The following AMBP variants were observed in gnomAD, a reference collection of about 807,000 sequenced individuals.
The protein encoded by AMBP is alpha-1-microglobulin/bikunin precursor, also known as protein AMBP.
Under a neutral mutation model 46.3 loss-of-function variants are expected in AMBP, and 37 were observed. The observed-to-expected ratio is 0.80, with a 90% CI of 0.61 to 1.05. AMBP has a LOEUF of 1.05. Among genes scored for constraint, AMBP ranks in the 50% least tolerant of loss-of-function variants. The probability of loss-of-function intolerance (pLI) is 0.00; values close to 1 mark genes in which losing one functional copy is unlikely to be tolerated. For missense variants in AMBP, 475 were observed against 461.2 expected, an observed-to-expected ratio of 1.03 and a Z score of -0.27; for synonymous variants, 174 against 175.9, an observed-to-expected ratio of 0.99 and a Z score of 0.09.
intron 6 of AMBP, among the ~76,000 whole-genome samples, chr9:114,065,721 G>T (rs923812019): frequency 3.3e-5 from 5 of 151,930 alleles, no homozygotes; most frequent in African/African-American, 9.7e-5. Context: ...AAGTAGGATG[G>T]GGCTAGGGGG....
At position 114,060,998 on chromosome 9, in the gene AMBP, C is replaced by G; in HGVS notation, c.954G>C (p.Gly318=). 6.2e-7 allele frequency: 1 copy of G among 1,614,216 alleles called. No individual in the cohort carries two copies. The highest frequency in any genetic ancestry group is 2.2e-5 in the East Asian group (1 of 44,874). Residue 318 remains glycine, a synonymous_variant, in exon 9 of 10, where the codon GGG becomes GGC. Transcript: ENST00000265132. ...ACTTGTTCCCGTTGCCCTGGCAGCC[C>G]CCGTAGGGGAAGAGGACGCACTTCC... ...VKGKCVLFPY[G]GCQGNGNKFY... is the part of the protein sequence containing the mutation.
Position 114,069,761 on chromosome 9 carries a change from G to A in AMBP, c.557-16C>T. The stretch of plus-strand genomic sequence containing the variant: ...ACACATTCACCTAGGTCACAGAGCA[G>A]GAGAGAGGAGTGAATAACAGGACCA... On this transcript the variant is annotated splice_polypyrimidine_tract_variant and intron_variant, in intron 5 of 9. Coordinates refer to ENST00000265132, the MANE Select transcript of AMBP (RefSeq NM_001633.4). 1.2e-6 allele frequency: 2 copies of A among 1,614,092 alleles called. No homozygotes were observed. Among genetic ancestry groups the A allele is most frequent in the Middle Eastern group, 1.7e-4 (1 of 6,060 alleles).
intron 2 of AMBP, among the ~76,000 whole-genome samples, chr9:114,075,993 C>G (rs894188563): frequency 3.3e-5 from 5 of 152,052 alleles, no homozygotes; most frequent in Admixed American, 6.6e-5. Flanking sequence ...GTTCTGGGTG[C>G]TGGGAGGGTC....
chr9:114,072,777 A>G (rs1846758844), intron 5 of AMBP, 148 bp downstream of exon 5: 1 of 653,538 alleles, frequency 1.5e-6, no homozygotes, highest in Non-Finnish European at 2.7e-6. Flanking sequence ...GAGCAAATCC[A>G]CTGGCTTCCT....
chr9:114,068,277 G>T (rs1846711973), intron 6 of AMBP, among the ~76,000 whole-genome samples: 1 of 151,928 alleles, frequency 6.6e-6, no homozygotes, highest in African/African-American at 2.4e-5. Flanking sequence ...TGAAGATCAA[G>T]AAGTCCACTT....
chr9:114,063,113 G>T (rs1846658676), intron 6 of AMBP, among the ~76,000 whole-genome samples: 1 of 152,094 alleles, frequency 6.6e-6, no homozygotes, highest in African/African-American at 2.4e-5. Context: ...TGAAGGCATT[G>T]TTGCACAACA....
At chr9:114,075,144 T>C (rs1846792467) in intron 2 of AMBP, 108 bp from the exon 3 acceptor site, 1 of 831,480 alleles carries the variant, frequency 1.2e-6, no homozygotes, top group Non-Finnish European at 1.9e-6. Flanking sequence ...TGGGGTTTTT[T>C]TGTTTGTGTG....
At chr9:114,077,614 A>T (rs1002755189) in intron 1 of AMBP, 1 of 162,972 alleles carries the variant, frequency 6.1e-6, no homozygotes, top group Non-Finnish European at 1.4e-5. Context: ...CACATGCCCA[A>T]CCCAAAAGCT....
chr9:114,076,053 G>A (rs1846803783), intron 2 of AMBP, among the ~76,000 whole-genome samples: 1 of 152,098 alleles, frequency 6.6e-6, no homozygotes, highest in African/African-American at 2.4e-5. Flanking sequence ...GCATTGGGGA[G>A]TCATGGAAGG....
Position 114,078,164 on chromosome 9 carries a change from C to T in AMBP, c.46G>A (p.Ala16Thr). The part of the protein sequence containing the change: ...ALLLLLSACL[A>T]VSAGPVPTPP... ...GTTGGCACAGGGCCAGCGCTCACCGCCAGGCAGGCGCTCAGCAGCAAGAGC... is the reference window on the plus strand; with the variant it reads ...GTTGGCACAGGGCCAGCGCTCACCGTCAGGCAGGCGCTCAGCAGCAAGAGC... The change falls in exon 1 of 10, where the codon GCG becomes ACG. Residue 16 changes from alanine to threonine, a missense_variant. Around this residue, in one of 3 missense-constraint regions of AMBP, gnomAD observed 179 missense variants for 167.4 expected, o/e 1.07. Coordinates refer to ENST00000265132, the MANE Select transcript of AMBP (RefSeq NM_001633.4). 1 of 1,613,522 alleles carries T rather than the reference C, an allele frequency of 6.2e-7. No individual in the cohort carries two copies. Among genetic ancestry groups the T allele is most frequent in the Non-Finnish European group, 8.5e-7 (1 of 1,180,026 alleles).
At chr9:114,066,462 T>A (rs1846695733) in intron 6 of AMBP, among the ~76,000 whole-genome samples, 1 of 151,282 alleles carries the variant, frequency 6.6e-6, no homozygotes, top group African/African-American at 2.4e-5. Context: ...ACTCCTGGCC[T>A]CAAGCAGTCT....
chr9:114,064,665 A>C (rs1380747126), intron 6 of AMBP, among the ~76,000 whole-genome samples: 1 of 151,944 alleles, frequency 6.6e-6, no homozygotes, highest in Non-Finnish European at 1.5e-5. Context: ...CATTTAGCAA[A>C]AAAAAAAATG....
rs566720950 is a variant in AMBP at position 114,074,351 on chromosome 9, T to G, written c.338-199A>C. Among the ~76,000 whole-genome samples the G allele has an allele frequency of 1.4e-4, 21 of 152,310 alleles. 1 individual carries two copies. In the South Asian group the frequency reaches 3.9e-3, roughly 29 times the overall value. On this transcript the variant is annotated intron_variant, in intron 3 of 9. Coordinates refer to ENST00000265132, the MANE Select transcript of AMBP (RefSeq NM_001633.4). ...ATCTATCTCCTCCATGTACTCACAT[T>G]AATTCATCCACCATCACTCAATCCA...
Position 114,061,052 on chromosome 9 carries a change from G to C in AMBP, c.900C>G (p.Ile300Met), listed in dbSNP as rs1564370289. 21 of 1,614,256 alleles carry C rather than the reference G, an allele frequency of 1.3e-5. No individual in the cohort carries two copies. Among genetic ancestry groups the C allele is most frequent in the South Asian group, 4.4e-5 (4 of 91,088 alleles). ...TGACAGCATCAAATGCCCAGAGCTG[G>C]ATGAAGGCTCGGCAGGGGCCCCGGA... ...PIVRGPCRAF[I>M]QLWAFDAVKG... Residue 300 changes from isoleucine to methionine, a missense_variant, in exon 9 of 10, where the codon ATC (isoleucine) becomes ATG (methionine). Ile to Met is a conservative substitution (Grantham distance 10). This residue lies in a region of AMBP where 293 missense variants were observed against 276.9 expected (regional missense o/e 1.06). Coordinates refer to ENST00000265132, the MANE Select transcript of AMBP (RefSeq NM_001633.4).
At chr9:114,062,813 T>C in intron 6 of AMBP, 55 bp from the exon 7 acceptor site, 1 of 1,529,400 alleles carries the variant, frequency 6.5e-7, no homozygotes, top group Non-Finnish European at 9.1e-7. Flanking sequence ...GCTATTGCTT[T>C]CCTGTACCCC....
intron 8 of AMBP, 35 bp downstream of exon 8, chr9:114,061,389 G>T: frequency 1.2e-6 from 2 of 1,613,372 alleles, no homozygotes; most frequent in African/African-American, 2.7e-5. Context: ...GGTCTTGAGG[G>T]TGCAGAGCGC....
intron 6 of AMBP, among the ~76,000 whole-genome samples, chr9:114,068,829 A>C (rs1326133499): frequency 6.6e-6 from 1 of 151,176 alleles, no homozygotes. Flanking sequence ...AAAAAAAAAA[A>C]AAACCTTTAC....
intron 6 of AMBP, among the ~76,000 whole-genome samples, chr9:114,065,222 AT>A (rs1003738721): frequency 6.6e-6 from 1 of 152,180 alleles, no homozygotes; most frequent in Non-Finnish European, 1.5e-5. Flanking sequence ...ATGTGACCTT[AT>A]TTGGAAATCA....
At position 114,072,930 on chromosome 9, in the gene AMBP, T is replaced by C; in HGVS notation, c.551A>G (p.Asp184Gly). 6.2e-7 allele frequency: 1 copy of C among 1,613,528 alleles called. No individual in the cohort carries two copies. Among genetic ancestry groups the C allele is most frequent in the African/African-American group, 1.3e-5 (1 of 75,000 alleles). The change falls in exon 5 of 10, where the codon GAC becomes GGC. Residue 184 changes from aspartate (D) to glycine (G), a missense_variant. Coordinates refer to ENST00000265132, the MANE Select transcript of AMBP (RefSeq NM_001633.4). The part of the protein sequence containing the change: ...IPEDSIFTMA[D>G]RGECVPGEQE... ...GGCGGAGGGGTGCTATGTACCTCGGTCAGCCATGGTGAAGATGGAGTCCTC... is the reference window on the plus strand; with the variant it reads ...GGCGGAGGGGTGCTATGTACCTCGGCCAGCCATGGTGAAGATGGAGTCCTC...
Sources: allele counts gnomAD v4.1 joint callset (sites outside exome capture counted in the v4.1 genomes callset), GRCh38; gene constraint gnomAD v4.1.1; regional missense constraint gnomAD v4.1.1; transcripts MANE v1.5; gene names NCBI Gene and HGNC (gene_info 2026-07-23, HGNC 2026-07-21).